The following SYT9 variants were observed in gnomAD, a reference collection of about 807,000 sequenced individuals.
SYT9 encodes the protein synaptotagmin 9.
SYT9 carries 22 observed loss-of-function variants against 48.4 expected under a neutral mutation model. That is an observed-to-expected ratio of 0.45 (90% CI 0.32 to 0.65). The LOEUF (loss-of-function observed/expected upper bound fraction) is 0.65. SYT9 is among the 30% of genes least tolerant of loss of function. The pLI, the probability that SYT9 is intolerant of heterozygous loss-of-function variation, is 0.03. For synonymous variants in SYT9, 265 were observed against 245.0 expected (o/e 1.08, Z -0.76); for missense variants, 577 against 622.0 (o/e 0.93, Z 0.77).
intron 3 of SYT9, among the ~76,000 whole-genome samples, chr11:7,380,548 C>A (rs1239702697): frequency 1.3e-5 from 2 of 152,004 alleles, no homozygotes; most frequent in Admixed American, 1.3e-4. Flanking sequence ...ACCTCTCAGG[C>A]ACCCCATAAG....
chr11:7,340,742 G>A (rs1397531714), intron 3 of SYT9, among the ~76,000 whole-genome samples: 1 of 152,214 alleles, frequency 6.6e-6, no homozygotes, highest in African/African-American at 2.4e-5. Flanking sequence ...CAGCAAAGAT[G>A]GTAATCCACC....
intron 3 of SYT9, among the ~76,000 whole-genome samples, chr11:7,396,641 A>T (rs1419692834): frequency 1.3e-5 from 2 of 152,144 alleles, no homozygotes; most frequent in Non-Finnish European, 2.9e-5. Context: ...TTGACAAGAG[A>T]ATGTGTAATT....
At chr11:7,305,235 G>A (rs1473078872) in intron 2 of SYT9, among the ~76,000 whole-genome samples, 1 of 152,298 alleles carries the variant, frequency 6.6e-6, no homozygotes, top group South Asian at 2.1e-4. Context: ...TTGAAGGCAT[G>A]CAATTACATT....
At chr11:7,455,902 C>T (rs1417312302) in intron 6 of SYT9, among the ~76,000 whole-genome samples, 1 of 152,178 alleles carries the variant, frequency 6.6e-6, no homozygotes, top group African/African-American at 2.4e-5. Context: ...ACCATCCAGT[C>T]AGATGGGGCT....
intron 3 of SYT9, among the ~76,000 whole-genome samples, chr11:7,393,096 C>T (rs1846668850): frequency 6.6e-6 from 1 of 152,046 alleles, no homozygotes; most frequent in Non-Finnish European, 1.5e-5. Context: ...TTATTTATTT[C>T]TCTTGTCTGA....
intron 1 of SYT9, among the ~76,000 whole-genome samples, chr11:7,293,353 A>T (rs1407972235): frequency 6.6e-6 from 1 of 152,160 alleles, no homozygotes; most frequent in African/African-American, 2.4e-5. Context: ...TCTTATATTT[A>T]AGGCAGCAGA....
intron 1 of SYT9, among the ~76,000 whole-genome samples, chr11:7,260,965 T>G (rs552790300): frequency 1.3e-5 from 2 of 152,330 alleles, no homozygotes; most frequent in African/African-American, 4.8e-5. Context: ...AGTCTGTGGA[T>G]GTGCACAGTC....
chr11:7,374,104 A>ACC (rs1224043016), intron 3 of SYT9, among the ~76,000 whole-genome samples: 19 of 151,974 alleles, frequency 1.3e-4, no homozygotes, highest in African/African-American at 3.6e-4. Context: ...CTGGTGTGTG[A>ACC]TGTTCCCCTC....
In SYT9 at chr11:7,280,086, A is replaced by G. The variant is rs537136888; in HGVS notation, c.146-22953A>G. On this transcript the variant is annotated intron_variant, in intron 1 of 6. Transcript: ENST00000318881. ...GTATCAGTACATCTGTAAACAACTA[A>G]TTCTCCAGAATAGAAAAGGTATGCA... 2.0e-5 allele frequency among the ~76,000 whole-genome samples: 3 copies of G among 152,266 alleles called. No individual in the cohort carries two copies. In the South Asian group the frequency reaches 6.2e-4, roughly 31 times the overall value.
intron 1 of SYT9, among the ~76,000 whole-genome samples, chr11:7,284,971 C>T (rs1318694529): frequency 1.3e-5 from 2 of 152,234 alleles, no homozygotes; most frequent in Admixed American, 6.5e-5. Context: ...ACACATTCAC[C>T]ATTATTTTTC....
At chr11:7,387,415 T>C (rs1486627071) in intron 3 of SYT9, among the ~76,000 whole-genome samples, 2 of 152,214 alleles carry the variant, frequency 1.3e-5, no homozygotes, top group African/African-American at 2.4e-5. Flanking sequence ...CCTGAGCTTG[T>C]ATCCACTCTA....
chr11:7,414,974 C>T (rs538029591), intron 3 of SYT9, among the ~76,000 whole-genome samples: 147 of 152,260 alleles, frequency 9.7e-4, no homozygotes, highest in Non-Finnish European at 4.3e-4. Flanking sequence ...GAAATTGAAA[C>T]GAAATGAAAT....
chr11:7,405,356 A>C lies in SYT9; in HGVS notation c.1045-10686A>C, dbSNP rs191458457. On this transcript the variant is annotated intron_variant, in intron 3 of 6. Transcript: ENST00000318881. Reference sequence around the variant, plus strand: ...GCAAAAATTCCTCCAGATAGTGTCAAATGTCTCGTTGGGGAGCAAAATTAC... The same window carrying C: ...GCAAAAATTCCTCCAGATAGTGTCACATGTCTCGTTGGGGAGCAAAATTAC... Among the ~76,000 whole-genome samples the C allele has an allele frequency of 3.3e-5, 5 of 152,218 alleles. No individual in the cohort carries two copies. In the East Asian group the frequency reaches 9.7e-4, roughly 29 times the overall value.
At chr11:7,418,667 A>G (rs1315160529) in intron 5 of SYT9, among the ~76,000 whole-genome samples, 1 of 152,262 alleles carries the variant, frequency 6.6e-6, no homozygotes, top group African/African-American at 2.4e-5. Context: ...TGCTAGAATC[A>G]GTATGGATGA....
Position 7,258,372 on chromosome 11 carries a change from G to A in SYT9, c.145+6041G>A, listed in dbSNP as rs144008176. The stretch of plus-strand genomic sequence containing the variant: ...GTTTTCAGTTTTCACTGCAATCTTG[G>A]AGCAATAAATGTGCATCACGACTTC... On this transcript the variant is annotated intron_variant, in intron 1 of 6. Transcript: ENST00000318881. Among the ~76,000 whole-genome samples, 71 of 152,216 alleles carry A rather than the reference G, an allele frequency of 4.7e-4. 1 individual carries two copies. The East Asian group carries it at 9.5e-3, about 20-fold the overall frequency.
chr11:7,427,319 AG>A (rs1847479772), intron 6 of SYT9: 1 of 152,252 alleles, frequency 6.6e-6, no homozygotes, highest in Admixed American at 6.5e-5. Context: ...GAACATGAAA[AG>A]GGACCAATTC....
chr11:7,294,799 G>C (rs6578843), intron 1 of SYT9, among the ~76,000 whole-genome samples: 76,760 of 152,032 alleles, frequency 0.5, 19,486 homozygotes, highest in Admixed American at 0.54. Flanking sequence ...GGGGCCATTT[G>C]GCCTATTGAA....
intron 6 of SYT9, among the ~76,000 whole-genome samples, chr11:7,421,153 T>C (rs1264762586): frequency 1.3e-5 from 2 of 152,152 alleles, no homozygotes; most frequent in East Asian, 3.9e-4. Flanking sequence ...CTCTCTTATA[T>C]ACAAAAAGTC....
chr11:7,336,122 T>G (rs1849626772), intron 3 of SYT9, among the ~76,000 whole-genome samples: 1 of 152,190 alleles, frequency 6.6e-6, no homozygotes, highest in Non-Finnish European at 1.5e-5. Context: ...CATATTTTTG[T>G]TGGTCACGTA....
Sources: allele counts gnomAD v4.1 joint callset (sites outside exome capture counted in the v4.1 genomes callset), GRCh38; gene constraint gnomAD v4.1.1; transcripts MANE v1.5; gene names NCBI Gene and HGNC (gene_info 2026-07-23, HGNC 2026-07-21).